Variants in CDH3 observed in about 807,000 individuals in gnomAD.
CDH3 encodes cadherin-3.
In CDH3, 54 loss-of-function variants were observed where a neutral mutation model predicts 82.0. The ratio of observed to expected loss-of-function variants is 0.66; its 90% CI spans 0.53 to 0.83. The LOEUF (loss-of-function observed/expected upper bound fraction) is 0.83, where lower values mean the gene tolerates loss of function less well. Ranked by LOEUF, CDH3 falls within the 40% of genes least tolerant of loss-of-function variation. The probability of loss-of-function intolerance (pLI) is 0.00; values close to 1 mark genes in which losing one functional copy is unlikely to be tolerated. For missense variants in CDH3, 1,054 were observed against 1,084.6 expected (o/e 0.97, Z 0.40); for synonymous variants, 446 against 437.9 (o/e 1.02, Z -0.23).
chr16:68,678,941 G>C (rs1961123092), intron 6 of CDH3, 35 bp downstream of exon 6: 1 of 1,608,526 alleles, frequency 6.2e-7, no homozygotes, highest in Admixed American at 1.7e-5. Flanking sequence ...CTACGGGGCT[G>C]GGCCCACACC....
intron 2 of CDH3, among the ~76,000 whole-genome samples, chr16:68,666,757 C>T (rs938573292): frequency 6.6e-5 from 10 of 152,096 alleles, no homozygotes; most frequent in Admixed American, 1.3e-4. Context: ...GGCTTTATGA[C>T]CTGCTTTTTT....
intron 2 of CDH3, among the ~76,000 whole-genome samples, chr16:68,649,478 C>T (rs1476014806): frequency 3.3e-5 from 5 of 152,268 alleles, no homozygotes; most frequent in Non-Finnish European, 5.9e-5. Context: ...AGGCACTGTT[C>T]CACAACTTCA....
chr16:68,672,885 T>C (rs1019797993), intron 2 of CDH3, among the ~76,000 whole-genome samples: 1 of 152,204 alleles, frequency 6.6e-6, no homozygotes, highest in African/African-American at 2.4e-5. Flanking sequence ...TTCCTTTGCC[T>C]GGATGAGTTT....
chr16:68,710,310 C>G (rs766011755), intron 1 of CDH3, among the ~76,000 whole-genome samples: 1 of 152,204 alleles, frequency 6.6e-6, no homozygotes, highest in Non-Finnish European at 1.5e-5. Context: ...GCCCTGGCTT[C>G]CCATTTGCTA....
At chr16:68,675,120 T>TA (rs1281929758) in intron 2 of CDH3, among the ~76,000 whole-genome samples, 1 of 149,148 alleles carries the variant, frequency 6.7e-6, no homozygotes, top group African/African-American at 2.5e-5. Flanking sequence ...TTCCAAAAAA[T>TA]AAAAAAAGTA....
chr16:68,726,400 G>C (rs1650361888), intron 2 of CDH3, among the ~76,000 whole-genome samples: 1 of 152,006 alleles, frequency 6.6e-6, no homozygotes, highest in Non-Finnish European at 1.5e-5. Context: ...CCGGAGTCTG[G>C]AATTTCAGGT....
intron 1 of CDH3, among the ~76,000 whole-genome samples, chr16:68,712,444 G>A (rs944205141): frequency 1.3e-5 from 2 of 152,066 alleles, no homozygotes; most frequent in African/African-American, 2.4e-5. Flanking sequence ...TAATAATAAT[G>A]GTCATAATAA....
At chr16:68,648,648 A>T (rs1367205649) in intron 2 of CDH3, among the ~76,000 whole-genome samples, 1 of 152,014 alleles carries the variant, frequency 6.6e-6, no homozygotes, top group Non-Finnish European at 1.5e-5. Context: ...ACGGGGTCTC[A>T]CTATGTTGCC....
At chr16:68,681,324 A>G (rs890019847) in intron 8 of CDH3, among the ~76,000 whole-genome samples, 6 of 152,212 alleles carry the variant, frequency 3.9e-5, no homozygotes, top group African/African-American at 9.6e-5. Context: ...GAAATAATCT[A>G]TGTACGTTTC....
Position 68,678,889 on chromosome 16 carries a change from T to TA in CDH3, c.675dup (p.Glu226ArgfsTer17). The stretch of plus-strand genomic sequence containing the variant: ...CAGGACACCTTCCGAGGGAGTGTCT[T>TA]AGAGGGAGTCCTACCAGGTAAGAGG... On this transcript the variant is annotated frameshift_variant, in exon 6 of 16. Transcript: ENST00000264012. LOFTEE classifies it high-confidence loss of function. The TA allele has an allele frequency of 6.2e-7, 1 of 1,613,816 alleles. No individual in the cohort carries two copies. The highest frequency in any genetic ancestry group is 8.5e-7 in the Non-Finnish European group (1 of 1,180,002).
downstream of CDH3, among the ~76,000 whole-genome samples, chr16:68,729,675 C>CA (rs1962264175): frequency 6.6e-6 from 1 of 152,042 alleles, no homozygotes; most frequent in Non-Finnish European, 1.5e-5. Flanking sequence ...CTCTCTTGCC[C>CA]GGCTGGAGTG....
At chr16:68,668,895 C>G (rs1300083717) in intron 2 of CDH3, among the ~76,000 whole-genome samples, 1 of 152,196 alleles carries the variant, frequency 6.6e-6, no homozygotes, top group African/African-American at 2.4e-5. Context: ...GGGCCAGGCA[C>G]AGTATTCAGT....
intron 2 of CDH3, chr16:68,652,003 G>A (rs547364576): frequency 2.4e-5 from 5 of 207,610 alleles, no homozygotes; most frequent in Admixed American, 5.4e-5. Context: ...GGTGACCAAC[G>A]GGCCCTAATT....
At chr16:68,661,403 A>G (rs1311854599) in intron 2 of CDH3, among the ~76,000 whole-genome samples, 1 of 152,168 alleles carries the variant, frequency 6.6e-6, no homozygotes, top group African/African-American at 2.4e-5. Context: ...TCATATGGTT[A>G]TGGTGAAGAT....
At chr16:68,700,602 G>A (rs1450148958), downstream of CDH3, among the ~76,000 whole-genome samples, 2 of 152,204 alleles carry the variant, frequency 1.3e-5, no homozygotes, top group East Asian at 3.8e-4. Context: ...TCAGGGGTTC[G>A]AGACCAGCCT....
Position 68,684,722 on chromosome 16 carries a change from T to C in CDH3, c.1322T>C (p.Val441Ala). ...VEDVNEAPVFVPPSKVVEVQE... is the reference protein window; with the variant it reads ...VEDVNEAPVFAPPSKVVEVQE... The stretch of plus-strand genomic sequence containing the variant: ...GATGTGAATGAGGCACCTGTGTTTG[T>C]CCCACCCTCCAAAGTCGTTGAGGTC... Residue 441 changes from valine (V) to alanine (A), a missense_variant, in exon 10 of 16, where the codon GTC becomes GCC. Val to Ala is a moderately conservative substitution (Grantham distance 64, BLOSUM62 0). Coordinates refer to ENST00000264012, the MANE Select transcript of CDH3 (RefSeq NM_001793.6). 5.0e-6 allele frequency: 8 copies of C among 1,614,164 alleles called. No homozygotes were observed. Among genetic ancestry groups the C allele is most frequent in the Non-Finnish European group, 6.8e-6 (8 of 1,180,036 alleles).
chr16:68,675,353 C>T (rs1305298516), intron 2 of CDH3, among the ~76,000 whole-genome samples: 2 of 152,178 alleles, frequency 1.3e-5, no homozygotes, highest in African/African-American at 4.8e-5. Context: ...GAGCATGGTG[C>T]TGACAGGACC....
At chr16:68,649,018 C>G (rs1960163752) in intron 2 of CDH3, among the ~76,000 whole-genome samples, 1 of 152,146 alleles carries the variant, frequency 6.6e-6, no homozygotes, top group Non-Finnish European at 1.5e-5. Context: ...CACATTCCCC[C>G]ATCCCAGTGC....
chr16:68,654,755 G>A (rs1300102506), intron 2 of CDH3, among the ~76,000 whole-genome samples: 6 of 146,554 alleles, frequency 4.1e-5, no homozygotes, highest in African/African-American at 1.0e-4. Context: ...AATTAGAGGC[G>A]GCCGGCATGA....
Sources: gnomAD v4.1 joint callset for allele counts (sites outside exome capture counted in the v4.1 genomes callset) on GRCh38, gnomAD v4.1.1 for gene constraint, MANE v1.5 for transcripts, NCBI Gene and HGNC (gene_info 2026-07-23, HGNC 2026-07-21) for gene names.